Variants in GTF2F2 observed in about 807,000 individuals in gnomAD.
GTF2F2 encodes ATP-dependent helicase GTF2F2.
Under a neutral mutation model 42.2 loss-of-function variants are expected in GTF2F2, and 23 were observed. The ratio of observed to expected loss-of-function variants is 0.55; its 90% CI spans 0.39 to 0.77. The LOEUF is 0.77. Among genes scored for constraint, GTF2F2 ranks in the 30% least tolerant of loss-of-function variants. The pLI is 0.00. For synonymous variants in GTF2F2, 105 were observed against 100.8 expected (o/e 1.04, Z -0.25); for missense variants, 261 against 287.2 (o/e 0.91, Z 0.66).
intron 4 of GTF2F2, chr13:45,194,030 G>A (rs1412772845): frequency 6.2e-7 from 1 of 1,614,064 alleles, no homozygotes; most frequent in Non-Finnish European, 8.5e-7. Flanking sequence ...AATCCATCCA[G>A]CCTGCTTTTG....
intron 7 of GTF2F2, among the ~76,000 whole-genome samples, chr13:45,269,974 G>C (rs946858180): frequency 5.9e-5 from 9 of 152,026 alleles, no homozygotes; most frequent in Non-Finnish European, 7.4e-5. Flanking sequence ...TGGGATTATA[G>C]GCGCCCACCA....
At chr13:45,221,776 C>T (rs1874129454) in intron 5 of GTF2F2, among the ~76,000 whole-genome samples, 1 of 152,164 alleles carries the variant, frequency 6.6e-6, no homozygotes, top group African/African-American at 2.4e-5. Context: ...GCCTTCAGAA[C>T]TTTGATCTGA....
At chr13:45,262,732 G>GTTATTTAT (rs746230070) in intron 6 of GTF2F2, among the ~76,000 whole-genome samples, 1 of 151,758 alleles carries the variant, frequency 6.6e-6, no homozygotes, top group Non-Finnish European at 1.5e-5. Context: ...TCTTTATTTT[G>GTTATTTAT]TTATTTATTT....
chr13:45,143,115 C>T (rs903653506), intron 2 of GTF2F2, among the ~76,000 whole-genome samples: 1 of 152,014 alleles, frequency 6.6e-6, no homozygotes, highest in African/African-American at 2.4e-5. Flanking sequence ...AAATTAATGT[C>T]TTATAAGGAA....
At chr13:45,155,683 A>T (rs951749329) in intron 4 of GTF2F2, among the ~76,000 whole-genome samples, 2 of 152,118 alleles carry the variant, frequency 1.3e-5, no homozygotes, top group Admixed American at 1.3e-4. Flanking sequence ...TGTCTGAGAG[A>T]ATATATTTTA....
At chr13:45,121,934 G>A (rs1022019968) in intron 1 of GTF2F2, among the ~76,000 whole-genome samples, 1 of 152,156 alleles carries the variant, frequency 6.6e-6, no homozygotes, top group African/African-American at 2.4e-5. Flanking sequence ...ACGGACTGAA[G>A]GAAAAAGCTT....
chr13:45,176,830 G>T (rs1417478941), intron 4 of GTF2F2, among the ~76,000 whole-genome samples: 1 of 151,952 alleles, frequency 6.6e-6, no homozygotes, highest in Non-Finnish European at 1.5e-5. Context: ...GCTCCACCCA[G>T]GCTGGAGTGC....
At chr13:45,127,139 A>G (rs1341761888) in intron 1 of GTF2F2, among the ~76,000 whole-genome samples, 1 of 152,176 alleles carries the variant, frequency 6.6e-6, no homozygotes, top group African/African-American at 2.4e-5. Flanking sequence ...GTAGAGAGTT[A>G]TATATAATTA....
intron 5 of GTF2F2, among the ~76,000 whole-genome samples, chr13:45,211,359 C>T (rs1176532006): frequency 1.4e-5 from 2 of 147,504 alleles, no homozygotes; most frequent in African/African-American, 2.5e-5. Context: ...TAAGGTGAGG[C>T]TCAAAATTTT....
chr13:45,124,968 C>T (rs1444219085), intron 1 of GTF2F2, among the ~76,000 whole-genome samples: 1 of 152,212 alleles, frequency 6.6e-6, no homozygotes, highest in East Asian at 1.9e-4. Flanking sequence ...ATGTGAGCCA[C>T]CCTTCCCGGC....
At chr13:45,197,484 G>A (rs1356397955) in intron 4 of GTF2F2, among the ~76,000 whole-genome samples, 1 of 149,762 alleles carries the variant, frequency 6.7e-6, no homozygotes, top group African/African-American at 2.5e-5. Context: ...ACTCCAGTCT[G>A]GGCAACACAG....
rs569765402 is a variant in GTF2F2, at chr13:45,223,687, A to G, written c.386+16182A>G. 5.9e-5 allele frequency among the ~76,000 whole-genome samples: 9 copies of G among 152,356 alleles called. No individual in the cohort carries two copies. In the East Asian group the frequency reaches 1.7e-3, roughly 29 times the overall value. On this transcript the variant is annotated intron_variant, in intron 5 of 7. Transcript: ENST00000340473. ...AAAATAACTGATAGAATACTGCACT[A>G]TGACTTTTCTAGAAGTAATCCCCCA...
chr13:45,166,893 T>C (rs1871319920), intron 4 of GTF2F2, among the ~76,000 whole-genome samples: 1 of 152,130 alleles, frequency 6.6e-6, no homozygotes, highest in Non-Finnish European at 1.5e-5. Flanking sequence ...GAGTTTAAAA[T>C]CTCTTGAAAG....
At chr13:45,131,241 G>A (rs575910581) in intron 1 of GTF2F2, among the ~76,000 whole-genome samples, 1 of 151,980 alleles carries the variant, frequency 6.6e-6, no homozygotes, top group Non-Finnish European at 1.5e-5. Flanking sequence ...GAGAGAAGAG[G>A]GGGGATCCAA....
At chr13:45,211,374 G>GTT (rs370469537) in intron 5 of GTF2F2, among the ~76,000 whole-genome samples, 16 of 136,834 alleles carry the variant, frequency 1.2e-4, no homozygotes, top group Admixed American at 2.2e-4. Flanking sequence ...AATTTTTTTT[G>GTT]TTTTTTTTTT....
At chr13:45,226,737 A>G (rs1400558705) in intron 5 of GTF2F2, among the ~76,000 whole-genome samples, 1 of 152,176 alleles carries the variant, frequency 6.6e-6, no homozygotes, top group Non-Finnish European at 1.5e-5. Context: ...AGAATATTTA[A>G]TCTTCCCATT....
intron 7 of GTF2F2, among the ~76,000 whole-genome samples, chr13:45,282,654 A>G (rs966362325): frequency 1.4e-4 from 22 of 152,046 alleles, no homozygotes; most frequent in African/African-American, 5.1e-4. Context: ...ACAGGTTCCC[A>G]CCACCATGCC....
At chr13:45,149,666 TA>T in intron 2 of GTF2F2, 103 bp from the exon 3 acceptor site, 1 of 1,141,036 alleles carries the variant, frequency 8.8e-7, no homozygotes, top group Non-Finnish European at 1.2e-6. Flanking sequence ...TCTGTAAATG[TA>T]ATATTTTATG....
rs1877382410 is a variant in GTF2F2, at chr13:45,284,352, A to C, written c.*791A>C. On this transcript the variant is annotated 3_prime_UTR_variant, in exon 8 of 8. Coordinates refer to ENST00000340473, the MANE Select transcript of GTF2F2 (RefSeq NM_004128.3). ...ATCACATGGCAAATGATATCAGCAA[A>C]TCAAAAGATGGGCGTAGGGGTCCAG... 1 of 152,218 alleles carries C rather than the reference A, an allele frequency of 6.6e-6. No individual in the cohort carries two copies. Among genetic ancestry groups the C allele is most frequent in the African/African-American group, 2.4e-5 (1 of 41,460 alleles). 9.4% of individuals were successfully genotyped at this position (152,218 alleles called of 1,614,324 possible).
Sources: gnomAD v4.1 joint callset for allele counts (sites outside exome capture counted in the v4.1 genomes callset) on GRCh38, gnomAD v4.1.1 for gene constraint, MANE v1.5 for transcripts, NCBI Gene and HGNC (gene_info 2026-07-23, HGNC 2026-07-21) for gene names.